KLF12: variants seen among roughly 807,000 people sequenced by gnomAD.
KLF12 encodes Krueppel-like factor 12.
KLF12 carries 9 observed loss-of-function variants against 37.8 expected under a neutral mutation model. The ratio of observed to expected loss-of-function variants is 0.24; its 90% CI spans 0.14 to 0.42. The LOEUF is 0.42. Among genes scored for constraint, KLF12 ranks in the 10% least tolerant of loss-of-function variants. The pLI is 1.00. For synonymous variants in KLF12, 208 were observed against 202.1 expected (o/e 1.03, Z -0.25); for missense variants, 411 against 516.0 (o/e 0.80, Z 1.97).
chr13:73,970,672 C>G (rs1031126049), intron 2 of KLF12, among the ~76,000 whole-genome samples: 2 of 152,166 alleles, frequency 1.3e-5, no homozygotes, highest in Non-Finnish European at 2.9e-5. Context: ...ACTTCCACCC[C>G]CAAGAGGTAC....
intron 5 of KLF12, among the ~76,000 whole-genome samples, chr13:73,786,547 C>G (rs1206899258): frequency 5.9e-5 from 9 of 151,958 alleles, no homozygotes. Context: ...ATCAGAAATG[C>G]CTTTCTCTGC....
rs1566306601 is a variant in KLF12, at chr13:73,702,559, C to T, written c.1028-6888G>A. 2.6e-5 allele frequency among the ~76,000 whole-genome samples: 4 copies of T among 152,178 alleles called. No homozygotes were observed. The South Asian group carries it at 8.3e-4, about 32-fold the overall frequency. The stretch of plus-strand genomic sequence containing the variant: ...AACAAAACATCCATGTTCTCATCAG[C>T]TTCTCTATTATTTTCTCAAGCAACT... On this transcript the variant is annotated intron_variant, in intron 7 of 7. Coordinates refer to ENST00000377669, the MANE Select transcript of KLF12 (RefSeq NM_007249.5).
chr13:74,152,924 AAT>A, the KLF12 span, among the ~76,000 whole-genome samples: 3 of 148,760 alleles, frequency 2.0e-5, no homozygotes, highest in South Asian at 6.3e-4. Flanking sequence ...TAATAATAAT[AAT>A]AATAAAAACA....
intron 3 of KLF12, among the ~76,000 whole-genome samples, chr13:73,864,492 T>C (rs975740491): frequency 3.3e-5 from 5 of 152,066 alleles, no homozygotes; most frequent in African/African-American, 9.7e-5. Context: ...ACAACAATTA[T>C]ATCAGATTGT....
At chr13:74,123,519 C>T (rs1054124321) in intron 1 of KLF12, among the ~76,000 whole-genome samples, 3 of 152,216 alleles carry the variant, frequency 2.0e-5, no homozygotes, top group Non-Finnish European at 4.4e-5. Context: ...TATGTATTTA[C>T]AGCACCTAGC....
At chr13:74,200,172 C>T in the KLF12 span, among the ~76,000 whole-genome samples, 5 of 141,380 alleles carry the variant, frequency 3.5e-5, no homozygotes, top group Non-Finnish European at 7.7e-5. Flanking sequence ...ACATGGCTAA[C>T]CTTTTCTAAG....
At position 73,943,967 on chromosome 13, in the gene KLF12, A is replaced by T. The variant is rs774009212; in HGVS notation, c.123+14T>A. ...ATCAAAAGGAGTGGGGCATTGCTGG[A>T]AACTTGTGCTTACCCCTTGTTCAGA... On this transcript the variant is annotated intron_variant, in intron 3 of 7. Coordinates refer to ENST00000377669, the MANE Select transcript of KLF12 (RefSeq NM_007249.5). 1.9e-6 allele frequency: 3 copies of T among 1,569,538 alleles called. No homozygotes were observed. The highest frequency in any genetic ancestry group is 2.6e-6 in the Non-Finnish European group (3 of 1,140,312).
intron 1 of KLF12, among the ~76,000 whole-genome samples, chr13:74,023,266 G>A (rs1892888864): frequency 6.6e-6 from 1 of 152,188 alleles, no homozygotes; most frequent in South Asian, 2.1e-4. Flanking sequence ...TTGTTTTTGA[G>A]AATTTTCGAG....
the KLF12 span, among the ~76,000 whole-genome samples, chr13:74,160,072 T>TTATC: frequency 6.6e-6 from 1 of 151,918 alleles, no homozygotes; most frequent in Non-Finnish European, 1.5e-5. Flanking sequence ...TACCTGGTGG[T>TTATC]TATCTTTTTT....
chr13:73,786,124 G>T (rs1881325707), intron 5 of KLF12, among the ~76,000 whole-genome samples: 1 of 152,124 alleles, frequency 6.6e-6, no homozygotes, highest in Non-Finnish European at 1.5e-5. Context: ...AGTCATTCTG[G>T]GGCAGCTGGG....
At chr13:74,241,180 C>T in the KLF12 span, among the ~76,000 whole-genome samples, 2 of 152,162 alleles carry the variant, frequency 1.3e-5, no homozygotes, top group Non-Finnish European at 2.9e-5. Flanking sequence ...CCCTCAGCTG[C>T]AGGTCTGTTG....
chr13:73,846,698 A>C (rs1594164055), intron 3 of KLF12, among the ~76,000 whole-genome samples: 1 of 152,300 alleles, frequency 6.6e-6, no homozygotes, highest in East Asian at 1.9e-4. Context: ...CCCTTACTCA[A>C]CACTATCACA....
intron 1 of KLF12, among the ~76,000 whole-genome samples, chr13:74,128,177 C>T (rs996466400): frequency 2.6e-5 from 4 of 152,074 alleles, no homozygotes; most frequent in African/African-American, 7.3e-5. Context: ...ATACCAGCTA[C>T]GTTGAAACTT....
In KLF12 at chr13:73,961,407, G is replaced by C. The variant is rs1254029348; in HGVS notation, c.34-17337C>G. Among the ~76,000 whole-genome samples, 3 of 152,144 alleles carry C rather than the reference G, an allele frequency of 2.0e-5. No homozygotes were observed. The East Asian group carries it at 5.8e-4, about 29-fold the overall frequency. On this transcript the variant is annotated intron_variant, in intron 2 of 7. Coordinates refer to ENST00000377669, the MANE Select transcript of KLF12 (RefSeq NM_007249.5). ...AAAATCAACAACTCTTCTCAGATCT[G>C]TTAGAGAAGTCACAGGCAAATACAG...
Position 73,687,169 on chromosome 13 carries a change from A to C in KLF12, c.*8321T>G, listed in dbSNP as rs1873541808. 2 of 152,618 alleles carry C rather than the reference A, an allele frequency of 1.3e-5. No homozygotes were observed. The highest frequency in any genetic ancestry group is 4.8e-5 in the African/African-American group (2 of 41,454). 9.5% of individuals were successfully genotyped at this position (152,618 alleles called of 1,614,324 possible). ...TTGCTGGTTTCTCTTTTTTTAAATG[A>C]GCATGTTATGATACACATAATTGCA... On this transcript the variant is annotated 3_prime_UTR_variant, in exon 8 of 8. Transcript: ENST00000377669.
At chr13:74,281,916 A>G in the KLF12 span, among the ~76,000 whole-genome samples, 3 of 152,188 alleles carry the variant, frequency 2.0e-5, no homozygotes, top group African/African-American at 4.8e-5. Context: ...TTCCTTGGAA[A>G]TTCTTATCGG....
At chr13:73,772,054 T>A (rs947683270) in intron 5 of KLF12, among the ~76,000 whole-genome samples, 1 of 152,198 alleles carries the variant, frequency 6.6e-6, no homozygotes, top group East Asian at 1.9e-4. Flanking sequence ...AAGATGCACA[T>A]ATCAATACAT....
At chr13:74,292,268 A>G in the KLF12 span, among the ~76,000 whole-genome samples, 5 of 152,052 alleles carry the variant, frequency 3.3e-5, no homozygotes, top group Non-Finnish European at 5.9e-5. Context: ...TCAAATCCCA[A>G]CTCCAACCAT....
chr13:74,031,965 A>G (rs954014246), intron 1 of KLF12, among the ~76,000 whole-genome samples: 2 of 152,154 alleles, frequency 1.3e-5, no homozygotes, highest in East Asian at 3.9e-4. Flanking sequence ...AATTATTATA[A>G]GAGAAATTCC....
Sources: gnomAD v4.1 joint callset for allele counts (sites outside exome capture counted in the v4.1 genomes callset) on GRCh38, gnomAD v4.1.1 for gene constraint, MANE v1.5 for transcripts, NCBI Gene and HGNC (gene_info 2026-07-23, HGNC 2026-07-21) for gene names.